Variants in COL5A1 observed in about 807,000 individuals in gnomAD.
COL5A1 encodes the protein collagen type V alpha 1 chain, also known as collagen alpha-1(V) chain.
In COL5A1, 16 loss-of-function variants were observed where a neutral mutation model predicts 263.7. The ratio of observed to expected loss-of-function variants is 0.06; its 90% CI spans 0.04 to 0.09. COL5A1 has a LOEUF of 0.09. Among genes scored for constraint, COL5A1 ranks in the 10% least tolerant of loss-of-function variants. COL5A1 has a pLI of 1.00. For missense variants in COL5A1, 2,036 were observed against 2,540.5 expected, an observed-to-expected ratio of 0.80 and a Z score of 4.27; for synonymous variants, 1,012 against 1,004.5, an observed-to-expected ratio of 1.01 and a Z score of -0.14.
At chr9:134,710,154 A>G (rs1833972950) in intron 4 of COL5A1, among the ~76,000 whole-genome samples, 1 of 152,090 alleles carries the variant, frequency 6.6e-6, no homozygotes, top group Non-Finnish European at 1.5e-5. Flanking sequence ...GAAAGTGGGG[A>G]TGTTAGGCTT....
At position 134,661,186 on chromosome 9, in the gene COL5A1, C is replaced by T. The variant is rs766059642; in HGVS notation, c.109+18890C>T. On this transcript the variant is annotated intron_variant, in intron 1 of 65. Coordinates refer to ENST00000371817, the MANE Select transcript of COL5A1 (RefSeq NM_000093.5). ...CTGGGGAGTTTGGTTGGGGAAGTGTCGGGGACACTATTCTCGGTGCTGCAT... is the reference window on the plus strand; with the variant it reads ...CTGGGGAGTTTGGTTGGGGAAGTGTTGGGGACACTATTCTCGGTGCTGCAT... Among the ~76,000 whole-genome samples, 105 of 151,224 alleles carry T rather than the reference C, an allele frequency of 6.9e-4. 1 individual carries two copies. The highest frequency in any genetic ancestry group is 6.4e-4 in the South Asian group (3 of 4,678).
chr9:134,751,637 G>A (rs886620615), intron 13 of COL5A1, among the ~76,000 whole-genome samples: 2 of 122,246 alleles, frequency 1.6e-5, no homozygotes, highest in Admixed American at 1.1e-4. Context: ...GATTGCCCAC[G>A]ATAGGTGTAA....
rs891570926 is a variant in COL5A1 at position 134,756,530 on chromosome 9, C to T, written c.1828-235C>T. Among the ~76,000 whole-genome samples, 9 of 152,214 alleles carry T rather than the reference C, an allele frequency of 5.9e-5. 1 individual carries two copies. In the East Asian group the frequency reaches 7.7e-4, roughly 13 times the overall value. ...ATCCCCCTTTGACAGTCTGGGATGA[C>T]GTGGTCCGGAAAGACCAGCCCCGTG... On this transcript the variant is annotated intron_variant, in intron 16 of 65. Transcript: ENST00000371817.
Position 134,765,394 on chromosome 9 carries a change from G to A in COL5A1, c.2035-287G>A, listed in dbSNP as rs568495471. Among the ~76,000 whole-genome samples, 8 of 152,244 alleles carry A rather than the reference G, an allele frequency of 5.3e-5. No individual in the cohort carries two copies. The East Asian group carries it at 1.6e-3, about 30-fold the overall frequency. ...ACCTGCCCCAGCAAGTGTCAGAGGA[G>A]CCGGTCAGCTTGAAAGCCCCCCTTT... On this transcript the variant is annotated intron_variant, in intron 20 of 65. Transcript: ENST00000371817. The surrounding 1 kb of genome is among the most constrained non-coding windows in gnomAD (Gnocchi z 5.1).
In COL5A1 at chr9:134,831,696, A is replaced by G. The variant is rs910724864; in HGVS notation, c.5136+1652A>G. ...CCGCAATGACAGCTCTCAGCCTCCA[A>G]AAAGAGCCTCTCACAGCATCCTCCA... On this transcript the variant is annotated intron_variant, in intron 64 of 65. Transcript: ENST00000371817. 2.0e-5 allele frequency among the ~76,000 whole-genome samples: 3 copies of G among 152,352 alleles called. No homozygotes were observed. The South Asian group carries it at 6.2e-4, about 32-fold the overall frequency.
At chr9:134,763,479 C>G (rs941795048) in intron 19 of COL5A1, among the ~76,000 whole-genome samples, 4 of 152,236 alleles carry the variant, frequency 2.6e-5, no homozygotes, top group African/African-American at 4.8e-5. Flanking sequence ...GAGCCGGCAT[C>G]TCAGAGCCTG....
rs1836607407 is a variant in COL5A1 at position 134,765,079 on chromosome 9, C to T, written c.2035-602C>T. Among the ~76,000 whole-genome samples the T allele has an allele frequency of 6.6e-6, 1 of 152,036 alleles. No individual in the cohort carries two copies. The highest frequency in any genetic ancestry group is 6.6e-5 in the Admixed American group (1 of 15,264). The stretch of plus-strand genomic sequence containing the variant: ...CACCTGCGGTAAAGGGGAGGTTCTG[C>T]ACGAGCCTCGCCGACCGGAGAGGGC... On this transcript the variant is annotated intron_variant, in intron 20 of 65. Transcript: ENST00000371817. The surrounding 1 kb of genome is among the most constrained non-coding windows in gnomAD (Gnocchi z 5.1).
At chr9:134,684,588 T>G (rs973421901) in intron 1 of COL5A1, among the ~76,000 whole-genome samples, 1 of 152,338 alleles carries the variant, frequency 6.6e-6, no homozygotes, top group African/African-American at 2.4e-5. Context: ...AGTCCTTGCA[T>G]GAAGTTTCAG....
chr9:134,787,102 C>T (rs1291337503), intron 31 of COL5A1, among the ~76,000 whole-genome samples: 3 of 152,186 alleles, frequency 2.0e-5, no homozygotes, highest in Admixed American at 6.5e-5. Context: ...AGCTGCTGAC[C>T]GCAGCATCGT....
chr9:134,761,264 C>A (rs74910407), intron 18 of COL5A1, among the ~76,000 whole-genome samples: 4,977 of 151,888 alleles, frequency 0.033, 261 homozygotes, highest in South Asian at 0.11. Context: ...CACACACGTG[C>A]ACTCGCATAC....
chr9:134,701,459 C>G, intron 4 of COL5A1, 126 bp downstream of exon 4: 1 of 946,478 alleles, frequency 1.1e-6, no homozygotes, highest in South Asian at 1.4e-5. Context: ...GTCACCGTCT[C>G]TGTTGGTCAG....
chr9:134,730,130 G>T, intron 6 of COL5A1, 106 bp from the exon 7 acceptor site: 1 of 1,527,690 alleles, frequency 6.5e-7, no homozygotes, highest in Non-Finnish European at 9.0e-7. Context: ...CTGGGCTCCA[G>T]GCGTTGCCAC....
intron 27 of COL5A1, among the ~76,000 whole-genome samples, chr9:134,779,408 T>G (rs1002426528): frequency 6.6e-6 from 1 of 152,238 alleles, no homozygotes; most frequent in East Asian, 1.9e-4. Flanking sequence ...TGGGATGGTG[T>G]GTCCTGAACT....
At chr9:134,738,187 C>T (rs900622893) in intron 9 of COL5A1, among the ~76,000 whole-genome samples, 1 of 152,196 alleles carries the variant, frequency 6.6e-6, no homozygotes, top group Non-Finnish European at 1.5e-5. Context: ...GCTCCTTTTC[C>T]TCATCTCGGC....
chr9:134,711,478 C>T (rs1834040710), intron 4 of COL5A1, among the ~76,000 whole-genome samples: 1 of 152,142 alleles, frequency 6.6e-6, no homozygotes, highest in Non-Finnish European at 1.5e-5. Context: ...TTGGGAAGGG[C>T]TGCTCTGTTC....
chr9:134,824,994 C>CG, intron 62 of COL5A1, 139 bp downstream of exon 62: 1 of 1,247,700 alleles, frequency 8.0e-7, no homozygotes, highest in Non-Finnish European at 1.1e-6. Flanking sequence ...TCTGTGGGGC[C>CG]GGGGTGCGCA....
intron 11 of COL5A1, among the ~76,000 whole-genome samples, chr9:134,748,078 A>C (rs553447182): frequency 7.0e-6 from 1 of 142,368 alleles, no homozygotes; most frequent in African/African-American, 2.6e-5. Context: ...CACACCCACA[A>C]ACATGCATGC....
intron 16 of COL5A1, among the ~76,000 whole-genome samples, chr9:134,756,467 A>G (rs1835975949): frequency 6.6e-6 from 1 of 152,124 alleles, no homozygotes; most frequent in Non-Finnish European, 1.5e-5. Flanking sequence ...CCTCTGCCAC[A>G]TTGTGGCGTC....
At chr9:134,807,967 A>T (rs1019229921) in intron 42 of COL5A1, among the ~76,000 whole-genome samples, 12 of 152,132 alleles carry the variant, frequency 7.9e-5, no homozygotes, top group Admixed American at 5.2e-4. Context: ...CTCCAGAGGG[A>T]AGGAAAGGCC....
Sources: allele counts gnomAD v4.1 joint callset (sites outside exome capture counted in the v4.1 genomes callset), GRCh38; gene constraint gnomAD v4.1.1; non-coding constraint Gnocchi (gnomAD v3.1); transcripts MANE v1.5; gene names NCBI Gene and HGNC (gene_info 2026-07-23, HGNC 2026-07-21).